POU2F2: variants seen among roughly 807,000 people sequenced by gnomAD.
POU2F2 encodes the protein POU domain, class 2, transcription factor 2.
POU2F2 carries 14 observed loss-of-function variants against 63.5 expected under a neutral mutation model. The ratio of observed to expected loss-of-function variants is 0.22; its 90% CI spans 0.15 to 0.34. POU2F2 has a LOEUF of 0.34. Ranked by LOEUF, POU2F2 falls within the 10% of genes least tolerant of loss-of-function variation. POU2F2 has a pLI of 1.00. For missense variants in POU2F2, 607 were observed against 815.2 expected, an observed-to-expected ratio of 0.74 and a Z score of 3.11; for synonymous variants, 306 against 348.6, an observed-to-expected ratio of 0.88 and a Z score of 1.36.
chr19:42,091,387 G>C lies in POU2F2; in HGVS notation c.1745C>G (p.Ser582Cys). The C allele has an allele frequency of 6.5e-7, 1 of 1,543,724 alleles. No homozygotes were observed. The highest frequency in any genetic ancestry group is 8.7e-7 in the Non-Finnish European group (1 of 1,146,876). Residue 582 changes from serine (S) to cysteine (C), a missense_variant, in exon 15 of 15, where the codon TCC (serine) becomes TGC (cysteine). By Grantham distance (112) the Ser-to-Cys change is moderately radical (BLOSUM62 -1). This residue lies in a region of POU2F2 where 270 missense variants were observed against 307.5 expected (regional missense o/e 0.88). Transcript: ENST00000692977. The part of the protein sequence containing the change: ...AAAAAVAASI[S>C]SKSPGLSSSS... Reference sequence around the variant, plus strand: ...GGAGGAGAGGCCAGGAGACTTGCTGGAGATGGAGGCTGCCACAGCCGCAGC... The same window carrying C: ...GGAGGAGAGGCCAGGAGACTTGCTGCAGATGGAGGCTGCCACAGCCGCAGC...
intron 2 of POU2F2, among the ~76,000 whole-genome samples, chr19:42,145,188 C>T (rs760755938): frequency 2.6e-4 from 39 of 152,328 alleles, no homozygotes; most frequent in Admixed American, 7.8e-4. Context: ...TATCAGTTAA[C>T]GTGGCATTTT....
intron 2 of POU2F2, among the ~76,000 whole-genome samples, chr19:42,150,540 G>T (rs963075895): frequency 6.6e-6 from 1 of 151,402 alleles, no homozygotes; most frequent in East Asian, 2.0e-4. Flanking sequence ...AAACTGGATC[G>T]ATCGGGGCTG....
intron 1 of POU2F2, among the ~76,000 whole-genome samples, chr19:42,184,538 T>C (rs997226641): frequency 1.7e-4 from 26 of 152,072 alleles, no homozygotes; most frequent in Non-Finnish European, 3.8e-4. Context: ...GATGCATGAC[T>C]AAGGACGAAG....
chr19:42,122,280 G>GC, intron 3 of POU2F2, 64 bp downstream of exon 3: 1 of 1,540,036 alleles, frequency 6.5e-7, no homozygotes, highest in Non-Finnish European at 8.9e-7. Flanking sequence ...GCGGCACAGA[G>GC]CCCCCTCTGA....
upstream of POU2F2, chr19:42,176,081 GAA>G (rs71336805): frequency 8.5e-5 from 11 of 128,680 alleles, no homozygotes; most frequent in South Asian, 1.1e-3. Context: ...GAGAGAGAGA[GAA>G]AAAAAAAAAA....
intron 2 of POU2F2, among the ~76,000 whole-genome samples, chr19:42,145,252 G>A (rs113058544): frequency 3.3e-5 from 5 of 152,180 alleles, no homozygotes; most frequent in African/African-American, 9.6e-5. Flanking sequence ...GTATTCCTTC[G>A]TTCTTAGTAC....
upstream of POU2F2, chr19:42,132,538 G>T: frequency 1.1e-6 from 1 of 894,396 alleles, no homozygotes. Flanking sequence ...CCTTCAGAAG[G>T]GAAAATACCC....
chr19:42,138,860 A>G (rs191357041), intron 2 of POU2F2, among the ~76,000 whole-genome samples: 3 of 152,302 alleles, frequency 2.0e-5, no homozygotes, highest in Admixed American at 2.0e-4. Flanking sequence ...TCCAAGAAGC[A>G]AGGTCTGTGG....
intron 1 of POU2F2, among the ~76,000 whole-genome samples, chr19:42,189,101 G>A (rs571424150): frequency 2.0e-5 from 3 of 152,290 alleles, no homozygotes; most frequent in South Asian, 4.1e-4. Context: ...CAATGTGAGT[G>A]GTTTCAGTGA....
rs1236134714 is a variant in POU2F2 at position 42,096,518 on chromosome 19, A to C, written c.568-275T>G. Among the ~76,000 whole-genome samples the C allele has an allele frequency of 6.6e-6, 1 of 152,198 alleles. No individual in the cohort carries two copies. The highest frequency in any genetic ancestry group is 2.4e-5 in the African/African-American group (1 of 41,438). ...TCCCTTCACGCCTGCGAACTCCCAG[A>C]AGGAGCAGCCAGCTTTTTGTGCCAG... On this transcript the variant is annotated intron_variant, in intron 7 of 14. Coordinates refer to ENST00000692977, the MANE Select transcript of POU2F2 (RefSeq NM_001394376.1). The surrounding 1 kb of genome is among the most constrained non-coding windows in gnomAD (Gnocchi z 4.1).
At chr19:42,122,309 T>G in intron 3 of POU2F2, 35 bp downstream of exon 3, 2 of 1,464,140 alleles carry the variant, frequency 1.4e-6, no homozygotes, top group Non-Finnish European at 1.9e-6. Flanking sequence ...CCCCATTCCT[T>G]CCCACCCCCT....
Position 42,116,046 on chromosome 19 carries a change from G to T in POU2F2, c.369+1204C>A, listed in dbSNP as rs868687422. Among the ~76,000 whole-genome samples, 8 of 152,306 alleles carry T rather than the reference G, an allele frequency of 5.3e-5. No individual in the cohort carries two copies. In the South Asian group the frequency reaches 1.7e-3, roughly 32 times the overall value. On this transcript the variant is annotated intron_variant, in intron 5 of 14. Coordinates refer to ENST00000692977, the MANE Select transcript of POU2F2 (RefSeq NM_001394376.1). ...GGCAATGACAGATTCTCCCTGGGAG[G>T]CTTCAGAGAGAGCACGGCCCTGCCG...
chr19:42,178,091 A>G (rs2034917589), upstream of POU2F2, among the ~76,000 whole-genome samples: 2 of 152,108 alleles, frequency 1.3e-5, no homozygotes, highest in Non-Finnish European at 2.9e-5. Flanking sequence ...GGGGACATGG[A>G]GGCAGAGAGA....
At chr19:42,187,288 A>AC (rs894003476) in intron 1 of POU2F2, among the ~76,000 whole-genome samples, 3 of 151,852 alleles carry the variant, frequency 2.0e-5, no homozygotes, top group Non-Finnish European at 4.4e-5. Context: ...ACATGGCGAA[A>AC]CCCCGTCTCT....
chr19:42,127,124 A>T (rs1042212932), intron 1 of POU2F2, among the ~76,000 whole-genome samples: 296 of 146,990 alleles, frequency 2.0e-3, no homozygotes, highest in Non-Finnish European at 2.5e-3. Context: ...TAAAAAAAAA[A>T]TTTTTTTTTT....
intron 1 of POU2F2, among the ~76,000 whole-genome samples, chr19:42,173,724 A>G (rs1311695778): frequency 1.3e-5 from 2 of 152,092 alleles, no homozygotes; most frequent in Non-Finnish European, 2.9e-5. Context: ...CCCTGCAAAG[A>G]CTAGCAGAGG....
chr19:42,177,040 C>G (rs893527118), upstream of POU2F2: 2 of 146,600 alleles, frequency 1.4e-5, no homozygotes, highest in South Asian at 4.3e-4. Context: ...GCAGGGGCTG[C>G]GAGGGGAGAG....
intron 5 of POU2F2, among the ~76,000 whole-genome samples, chr19:42,115,689 C>T (rs1209693353): frequency 6.6e-6 from 1 of 152,196 alleles, no homozygotes. Context: ...TCCCACTCTG[C>T]TCCCCCGGCT....
At chr19:42,163,675 C>A (rs993349569) in intron 1 of POU2F2, among the ~76,000 whole-genome samples, 1 of 152,150 alleles carries the variant, frequency 6.6e-6, no homozygotes, top group African/African-American at 2.4e-5. Context: ...AAGTGGTCCC[C>A]GGCTCCCCTC....
Sources: allele counts gnomAD v4.1 joint callset (sites outside exome capture counted in the v4.1 genomes callset), GRCh38; gene constraint gnomAD v4.1.1; regional missense constraint gnomAD v4.1.1; non-coding constraint Gnocchi (gnomAD v3.1); transcripts MANE v1.5; gene names NCBI Gene and HGNC (gene_info 2026-07-23, HGNC 2026-07-21).